AHNAK: variants seen among roughly 807,000 people sequenced by gnomAD.
AHNAK encodes neuroblast differentiation-associated protein AHNAK.
In AHNAK, 23 loss-of-function variants were observed where a neutral mutation model predicts 37.8. That is an observed-to-expected ratio of 0.61 (90% CI 0.44 to 0.86). AHNAK has a LOEUF of 0.86. Ranked by LOEUF, AHNAK falls within the 40% of genes least tolerant of loss-of-function variation. The pLI is 0.00. For missense variants in AHNAK, 7,411 were observed against 7,319.4 expected, an observed-to-expected ratio of 1.01 and a Z score of -0.46; for synonymous variants, 2,481 against 2,636.3, an observed-to-expected ratio of 0.94 and a Z score of 1.80.
chr11:62,539,861 C>T (rs545029905), intron 1 of AHNAK, among the ~76,000 whole-genome samples: 2 of 152,220 alleles, frequency 1.3e-5, no homozygotes, highest in Non-Finnish European at 2.9e-5. Flanking sequence ...AAGGACTCCC[C>T]TCTCATCTGA....
intron 5 of AHNAK, among the ~76,000 whole-genome samples, chr11:62,477,370 GGGA>G (rs1193934113): frequency 6.6e-6 from 1 of 152,132 alleles, no homozygotes; most frequent in Non-Finnish European, 1.5e-5. Context: ...GGTGGAGGGT[GGGA>G]GGAGGAGAGA....
rs760237461 is a variant in AHNAK, at chr11:62,525,497, C to A, written c.8920G>T (p.Gly2974Cys). 3 of 1,613,754 alleles carry A rather than the reference C, an allele frequency of 1.9e-6. No homozygotes were observed. Among genetic ancestry groups the A allele is most frequent in the Non-Finnish European group, 8.5e-7 (1 of 1,179,966 alleles). ...TCCACATCGCCCTTCACCTTGGGAC[C>A]TTTCAGATGCAAATCAAAGTCAGGC... ...PMPDFDLHLK[G>C]PKVKGDVDIS... The change falls in exon 5 of 5, where the codon GGT becomes TGT. Residue 2974 changes from glycine to cysteine, a missense_variant. Gly to Cys is a radical substitution (Grantham distance 159, BLOSUM62 -3). Coordinates refer to ENST00000378024, the MANE Select transcript of AHNAK (RefSeq NM_001620.3).
intron 5 of AHNAK, among the ~76,000 whole-genome samples, chr11:62,461,554 G>T (rs34253605): frequency 1.3e-5 from 2 of 151,974 alleles, no homozygotes; most frequent in Non-Finnish European, 2.9e-5. Flanking sequence ...CAAGCCTAAG[G>T]ATTTTAGAAG....
intron 5 of AHNAK, among the ~76,000 whole-genome samples, chr11:62,453,775 A>G (rs1369221977): frequency 6.6e-6 from 1 of 152,242 alleles, no homozygotes; most frequent in Admixed American, 6.5e-5. Flanking sequence ...TGCCGTGTGC[A>G]CAGTCAGAAA....
At chr11:62,476,313 T>C (rs757181079) in intron 5 of AHNAK, among the ~76,000 whole-genome samples, 1 of 152,170 alleles carries the variant, frequency 6.6e-6, no homozygotes, top group African/African-American at 2.4e-5. Flanking sequence ...CACTTGAACC[T>C]GGCAGGCAGA....
chr11:62,486,404 C>T (rs913968996), intron 5 of AHNAK, among the ~76,000 whole-genome samples: 10 of 151,988 alleles, frequency 6.6e-5, no homozygotes, highest in Non-Finnish European at 1.3e-4. Flanking sequence ...ACCCAGGAGG[C>T]GGACGTTGCG....
At chr11:62,451,066 T>C (rs1938527388) in intron 5 of AHNAK, among the ~76,000 whole-genome samples, 1 of 150,344 alleles carries the variant, frequency 6.7e-6, no homozygotes, top group Non-Finnish European at 1.5e-5. Context: ...GGCTCAGATG[T>C]TGGTTCTTCC....
Position 62,519,709 on chromosome 11 carries a change from G to A in AHNAK, c.14708C>T (p.Ser4903Phe), listed in dbSNP as rs1940159662. Residue 4903 changes from serine (S) to phenylalanine (F), a missense_variant, in exon 5 of 5, where the codon TCT (serine) becomes TTT (phenylalanine). Transcript: ENST00000378024. ...TATCTCCAGCGATGGCATCTTCAAA[G>A]ATGGGCCACTGAGTTTGGCATCAGG... ...EGPDAKLSGP[S>F]LKMPSLEISA... 2 of 1,613,968 alleles carry A rather than the reference G, an allele frequency of 1.2e-6. No homozygotes were observed. The highest frequency in any genetic ancestry group is 8.5e-7 in the Non-Finnish European group (1 of 1,180,014).
intron 4 of AHNAK, among the ~76,000 whole-genome samples, 188 bp downstream of exon 4, chr11:62,534,815 C>T (rs893344165): frequency 3.3e-5 from 5 of 152,170 alleles, no homozygotes; most frequent in Admixed American, 3.3e-4. Flanking sequence ...AGAGGGAGCA[C>T]AGCCACATGT....
chr11:62,473,416 C>T (rs1212158317), intron 5 of AHNAK, among the ~76,000 whole-genome samples: 1 of 121,698 alleles, frequency 8.2e-6, no homozygotes, highest in Non-Finnish European at 1.7e-5. Flanking sequence ...AAAAAAAAGG[C>T]TGGGTGCGGT....
At chr11:62,439,920 C>T (rs1009803511) in intron 5 of AHNAK, among the ~76,000 whole-genome samples, 66 of 152,028 alleles carry the variant, frequency 4.3e-4, no homozygotes, top group Non-Finnish European at 2.5e-4. Flanking sequence ...CGCCCGCCTC[C>T]GCCTCCCACA....
At position 62,526,859 on chromosome 11, in the gene AHNAK, T is replaced by G; in HGVS notation, c.7558A>C (p.Met2520Leu). The G allele has an allele frequency of 2.5e-6, 4 of 1,614,032 alleles. No homozygotes were observed. The highest frequency in any genetic ancestry group is 3.4e-6 in the Non-Finnish European group (4 of 1,180,004). ...GGGCCCTCTGCTTTGAAGCCAGGCA[T>G]GCTGAACTTGGGCATTTTCATCTTG... ...MPKMKMPKFSMPGFKAEGPEV... is the reference protein window; with the variant it reads ...MPKMKMPKFSLPGFKAEGPEV... Residue 2520 changes from methionine (M) to leucine (L), a missense_variant, in exon 5 of 5, where the codon ATG (methionine) becomes CTG (leucine). Met to Leu is a conservative substitution (Grantham distance 15, BLOSUM62 2). Transcript: ENST00000378024.
chr11:62,483,069 G>A (rs1939308647), intron 5 of AHNAK, among the ~76,000 whole-genome samples: 1 of 152,166 alleles, frequency 6.6e-6, no homozygotes, highest in South Asian at 2.1e-4. Flanking sequence ...AGCACTGCCT[G>A]GAGAGTGACC....
chr11:62,451,485 C>G (rs992391960), intron 5 of AHNAK, among the ~76,000 whole-genome samples: 2 of 151,946 alleles, frequency 1.3e-5, no homozygotes, highest in African/African-American at 4.8e-5. Flanking sequence ...TGTCTGTAAT[C>G]CCAGCATTTT....
intron 1 of AHNAK, among the ~76,000 whole-genome samples, chr11:62,538,678 G>A (rs569991891): frequency 2.0e-5 from 3 of 152,366 alleles, no homozygotes; most frequent in African/African-American, 7.2e-5. Flanking sequence ...GCGTTAGACG[G>A]TGACCTCACA....
At chr11:62,477,556 G>A (rs545402743) in intron 5 of AHNAK, among the ~76,000 whole-genome samples, 9 of 152,304 alleles carry the variant, frequency 5.9e-5, no homozygotes, top group African/African-American at 1.7e-4. Context: ...TGTAATCCCA[G>A]CACTTTGGGA....
chr11:62,523,291 C>T lies in AHNAK; in HGVS notation c.11126G>A (p.Gly3709Asp), dbSNP rs1457174082. 1.9e-6 allele frequency: 3 copies of T among 1,613,976 alleles called. No individual in the cohort carries two copies. Among genetic ancestry groups the T allele is most frequent in the South Asian group, 2.2e-5 (2 of 91,066 alleles). Residue 3709 changes from glycine (G) to aspartate (D), a missense_variant, in exon 5 of 5, where the codon GGC becomes GAC. Gly to Asp is a moderately conservative substitution (Grantham distance 94). Transcript: ENST00000378024. ...AGGAGTGTCAATGTCCACTTTGGGG[C>T]CCTTGATGTCCACCTCAGGGCCTTT... ...DLKGPEVDIK[G>D]PKVDIDTPDI...
chr11:62,531,310 G>A lies in AHNAK; in HGVS notation c.3107C>T (p.Thr1036Ile), dbSNP rs1190677378. 1.9e-6 allele frequency: 3 copies of A among 1,613,430 alleles called. No individual in the cohort carries two copies. Among genetic ancestry groups the A allele is most frequent in the Non-Finnish European group, 2.5e-6 (3 of 1,179,818 alleles). The change falls in exon 5 of 5, where the codon ACT becomes ATT. Residue 1036 changes from threonine (T) to isoleucine (I), a missense_variant. Thr to Ile is a moderately conservative substitution (Grantham distance 89). Coordinates refer to ENST00000378024, the MANE Select transcript of AHNAK (RefSeq NM_001620.3). The stretch of plus-strand genomic sequence containing the variant: ...TTCAAGGCTCAGATCTGGAGCATTA[G>A]TATCTACTTTTGGTGCAGAAATGTC... ...NVDISAPKVDTNAPDLSLEGP... is the reference protein window; with the variant it reads ...NVDISAPKVDINAPDLSLEGP...
rs11374757 is a variant in AHNAK, at chr11:62,439,089, ATT to A, written c.443-5200_443-5199del. 4.9e-3 allele frequency among the ~76,000 whole-genome samples: 451 copies of A among 92,864 alleles called. 4 individuals are homozygous for A. Among genetic ancestry groups the A allele is most frequent in the African/African-American group, 0.018 (426 of 23,936 alleles). The allele number at this position is 92,864 out of a possible 152,430, so 60.9% of individuals were successfully genotyped here. On this transcript the variant is annotated intron_variant, in intron 5 of 5. Transcript: ENST00000257247. ...GACACCCATCCCTCTCAGTTTCCCTATTTTTTTTTTTTTTTTTTTTTTGAGAT... is the reference window on the plus strand; with the variant it reads ...GACACCCATCCCTCTCAGTTTCCCTATTTTTTTTTTTTTTTTTTTTGAGAT...
Sources: allele counts gnomAD v4.1 joint callset (sites outside exome capture counted in the v4.1 genomes callset), GRCh38; gene constraint gnomAD v4.1.1; transcripts MANE v1.5; gene names NCBI Gene and HGNC (gene_info 2026-07-23, HGNC 2026-07-21).